The following ABCF2 variants were observed in gnomAD, a reference collection of about 807,000 sequenced individuals.
The protein encoded by ABCF2 is ATP-binding cassette sub-family F member 2.
ABCF2 carries 37 observed loss-of-function variants against 76.9 expected under a neutral mutation model. The observed-to-expected ratio is 0.48, with a 90% CI of 0.37 to 0.63. ABCF2 has a LOEUF of 0.63. Among genes scored for constraint, ABCF2 ranks in the 30% least tolerant of loss-of-function variants. ABCF2 has a pLI of 0.00. For synonymous variants in ABCF2, 299 were observed against 283.7 expected, an observed-to-expected ratio of 1.05 and a Z score of -0.54; for missense variants, 524 against 782.1, an observed-to-expected ratio of 0.67 and a Z score of 3.94.
Position 151,222,506 on chromosome 7 carries a change from A to G in ABCF2, c.818+15T>C, listed in dbSNP as rs1171479288. On this transcript the variant is annotated intron_variant, in intron 6 of 14. Transcript: ENST00000287844. ...TGGGACCTGCCCGCTCACATCCCCC[A>G]TTCCACCCTCTTACGTTTTTAGTTC... The G allele has an allele frequency of 3.7e-6, 6 of 1,608,888 alleles. No homozygotes were observed. The highest frequency in any genetic ancestry group is 5.1e-6 in the Non-Finnish European group (6 of 1,175,802).
Position 151,226,281 on chromosome 7 carries a change from C to A in ABCF2, c.154+24G>T, listed in dbSNP as rs565958321. 1.4e-5 allele frequency: 23 copies of A among 1,610,052 alleles called. 1 individual carries two copies. The Admixed American group carries it at 2.0e-4, about 14-fold the overall frequency. ...TGCATTAAGTCTTAGCAACCATCCC[C>A]AACTCACCCCTCCCTCAATTCACCT... On this transcript the variant is annotated intron_variant, in intron 2 of 14. Transcript: ENST00000287844.
Position 151,212,413 on chromosome 7 carries a change from G to A in ABCF2, c.*1641C>T. The A allele has an allele frequency of 1.0e-6, 1 of 985,476 alleles. No homozygotes were observed. Among genetic ancestry groups the A allele is most frequent in the Non-Finnish European group, 1.2e-6 (1 of 829,948 alleles). The allele number at this position is 985,476 out of a possible 1,614,324, so 61.0% of individuals were successfully genotyped here. On this transcript the variant is annotated 3_prime_UTR_variant, in exon 15 of 15. Transcript: ENST00000287844. ...TAGGAAGAGAGGTTCACAGACGTTG[G>A]TGTGAAAATGCAAACTCCTGGCCAT...
At chr7:151,217,166 G>T (rs1430722575) in intron 11 of ABCF2, among the ~76,000 whole-genome samples, 1 of 152,170 alleles carries the variant, frequency 6.6e-6, no homozygotes, top group African/African-American at 2.4e-5. Flanking sequence ...ATCATGGGCA[G>T]CTGGAGCCCA....
chr7:151,226,687 T>C, intron 1 of ABCF2, 187 bp from the exon 2 acceptor site: 1 of 482,876 alleles, frequency 2.1e-6, no homozygotes, highest in Non-Finnish European at 3.6e-6. Flanking sequence ...GCGGCTCTTC[T>C]AATCTTAACA....
rs756205366 is a variant in ABCF2 at position 151,224,855 on chromosome 7, A to G, written c.288T>C (p.His96=). ...VHIINLSLTF[H]GQELLSDTKL... Reference sequence around the variant, plus strand: ...TGGTGTCACTGAGCAGCTCTTGACCATGAAAGGTAAGTGAGAGGTTGATGA... The same window carrying G: ...TGGTGTCACTGAGCAGCTCTTGACCGTGAAAGGTAAGTGAGAGGTTGATGA... The change falls in exon 3 of 15, where the codon CAT becomes CAC. Residue 96 remains histidine, a synonymous_variant. Coordinates refer to ENST00000287844, the MANE Select transcript of ABCF2 (RefSeq NM_007189.3). 9 of 1,614,088 alleles carry G rather than the reference A, an allele frequency of 5.6e-6. No homozygotes were observed. Among genetic ancestry groups the G allele is most frequent in the Admixed American group, 1.7e-5 (1 of 60,010 alleles).
rs117075871 is a variant in ABCF2 at position 151,222,985 on chromosome 7, T to A, written c.723-369A>T. Among the ~76,000 whole-genome samples, 8 of 152,310 alleles carry A rather than the reference T, an allele frequency of 5.3e-5. No individual in the cohort carries two copies. In the East Asian group the frequency reaches 1.5e-3, roughly 29 times the overall value. The stretch of plus-strand genomic sequence containing the variant: ...CTATCTGAAGGTCTGAAGATAGACC[T>A]ATCTTGTGGGGTGGCCAGAGTCTAG... On this transcript the variant is annotated intron_variant, in intron 5 of 14. Transcript: ENST00000287844.
chr7:151,216,127 A>T, intron 11 of ABCF2, 98 bp from the exon 12 acceptor site: 1 of 1,010,322 alleles, frequency 9.9e-7, no homozygotes. Flanking sequence ...ACACTGAACA[A>T]GACTCAACTT....
Position 151,213,812 on chromosome 7 carries a change from A to C in ABCF2, c.*242T>G. The C allele has an allele frequency of 7.6e-6, 10 of 1,317,290 alleles. No homozygotes were observed. The highest frequency in any genetic ancestry group is 3.3e-5 in the East Asian group (1 of 29,934). 81.6% of individuals were successfully genotyped at this position (1,317,290 alleles called of 1,614,324 possible). A position where few individuals can be genotyped will look rare whatever the true frequency, so the allele number is the denominator to read the frequency against. On this transcript the variant is annotated 3_prime_UTR_variant, in exon 15 of 15. Coordinates refer to ENST00000287844, the MANE Select transcript of ABCF2 (RefSeq NM_007189.3). Reference sequence around the variant, plus strand: ...GATAACCAGCAAGGGGCTGGAGGGAACGGCCAGCCGAGTCCAGACATGGAC... The same window carrying C: ...GATAACCAGCAAGGGGCTGGAGGGACCGGCCAGCCGAGTCCAGACATGGAC...
intron 3 of ABCF2, 84 bp from the exon 4 acceptor site, chr7:151,224,198 G>A: frequency 7.1e-7 from 1 of 1,412,910 alleles, no homozygotes; most frequent in Non-Finnish European, 9.7e-7. Flanking sequence ...CAGTCAAACT[G>A]GGACCTCATC....
chr7:151,223,221 G>A (rs1282899333), intron 5 of ABCF2, among the ~76,000 whole-genome samples: 1 of 152,146 alleles, frequency 6.6e-6, no homozygotes, highest in Admixed American at 6.5e-5. Context: ...TACCTGTTTA[G>A]TGACTCTGGG....
rs777345888 is a variant in ABCF2, at chr7:151,224,881, T to C, written c.262A>G (p.Ile88Val). 2.5e-6 allele frequency: 4 copies of C among 1,614,178 alleles called. No individual in the cohort carries two copies. Among genetic ancestry groups the C allele is most frequent in the South Asian group, 1.1e-5 (1 of 91,080 alleles). The change falls in exon 3 of 15, where the codon ATC becomes GTC. Residue 88 changes from isoleucine (I) to valine (V), a missense_variant. By Grantham distance (29) the Ile-to-Val change is conservative. Around this residue, in one of 2 missense-constraint regions of ABCF2, gnomAD observed 330 missense variants for 433.6 expected, o/e 0.76. Coordinates refer to ENST00000287844, the MANE Select transcript of ABCF2 (RefSeq NM_007189.3). ...TGAAAGGTAAGTGAGAGGTTGATGA[T>C]GTGAACATCAGTACTGTTGGGGTGA... The part of the protein sequence containing the change: ...ASHPNSTDVH[I>V]INLSLTFHGQ...
rs1802118806 is a variant in ABCF2, at chr7:151,214,855, C to T, written c.1734+24G>A. 6.2e-7 allele frequency: 1 copy of T among 1,613,066 alleles called. No homozygotes were observed. The highest frequency in any genetic ancestry group is 1.3e-5 in the African/African-American group (1 of 74,898). On this transcript the variant is annotated intron_variant, in intron 14 of 14. Transcript: ENST00000287844. The surrounding 1 kb of genome is among the most constrained non-coding windows in gnomAD (Gnocchi z 4.9). ...CAACCCCCTAGAAGCTCTGCTGTGC[C>T]TCACCCCCTGGCCAGGGCCTCACCT... is the stretch of plus-strand genomic sequence containing the variant.
intron 11 of ABCF2, among the ~76,000 whole-genome samples, chr7:151,217,765 C>T (rs1257533780): frequency 1.3e-5 from 2 of 151,282 alleles, no homozygotes; most frequent in Non-Finnish European, 2.9e-5. Flanking sequence ...GCACTCCAGC[C>T]TGGGCAACAG....
At chr7:151,222,983 C>T (rs550094488) in intron 5 of ABCF2, among the ~76,000 whole-genome samples, 56 of 152,246 alleles carry the variant, frequency 3.7e-4, no homozygotes, top group Middle Eastern at 3.4e-3. Flanking sequence ...TGAAGATAGA[C>T]CTATCTTGTG....
chr7:151,214,838 T>C lies in ABCF2; in HGVS notation c.1734+41A>G. On this transcript the variant is annotated intron_variant, in intron 14 of 14. Transcript: ENST00000287844. The surrounding 1 kb of genome is among the most constrained non-coding windows in gnomAD (Gnocchi z 4.9). ...GCCATGACTACCCTACCCAACCCCCTAGAAGCTCTGCTGTGCCTCACCCCC... is the reference window on the plus strand; with the variant it reads ...GCCATGACTACCCTACCCAACCCCCCAGAAGCTCTGCTGTGCCTCACCCCC... 6.2e-7 allele frequency: 1 copy of C among 1,602,778 alleles called. No homozygotes were observed. Among genetic ancestry groups the C allele is most frequent in the Admixed American group, 1.7e-5 (1 of 59,976 alleles).
rs1259986706 is a variant in ABCF2 at position 151,213,528 on chromosome 7, T to C, written c.*526A>G. The stretch of plus-strand genomic sequence containing the variant: ...GGGACCGTGGCTTCCTCTTTCTTTA[T>C]TGGGCGCTTTGTAGATGTCACGCAG... On this transcript the variant is annotated 3_prime_UTR_variant, in exon 15 of 15. Transcript: ENST00000287844. 24 of 985,798 alleles carry C rather than the reference T, an allele frequency of 2.4e-5. No individual in the cohort carries two copies. The highest frequency in any genetic ancestry group is 1.4e-4 in the African/African-American group (8 of 57,234). The allele number at this position is 985,798 out of a possible 1,614,324, so 61.1% of individuals were successfully genotyped here.
chr7:151,226,545 T>G, intron 1 of ABCF2, 45 bp from the exon 2 acceptor site: 1 of 1,388,098 alleles, frequency 7.2e-7, no homozygotes, highest in Non-Finnish European at 9.8e-7. Flanking sequence ...AACTTACTAG[T>G]AAGAATGCCT....
At chr7:151,223,417 C>T (rs2242141) in intron 5 of ABCF2, among the ~76,000 whole-genome samples, 57,429 of 152,012 alleles carry the variant, frequency 0.38, 11,755 homozygotes, top group East Asian at 0.72. Flanking sequence ...CCTACTCCAC[C>T]GTTTTACCTA....
chr7:151,222,238 T>G, intron 6 of ABCF2, among the ~76,000 whole-genome samples: 1 of 149,446 alleles, frequency 6.7e-6, no homozygotes, highest in African/African-American at 2.6e-5. Flanking sequence ...AGAAAAAAAA[T>G]ATATCTTTAA....
Sources: gnomAD v4.1 joint callset for allele counts (sites outside exome capture counted in the v4.1 genomes callset) on GRCh38, gnomAD v4.1.1 for gene constraint, gnomAD v4.1.1 regional missense constraint, Gnocchi (gnomAD v3.1) non-coding constraint, MANE v1.5 for transcripts, NCBI Gene and HGNC (gene_info 2026-07-23, HGNC 2026-07-21) for gene names.